Variants in PCDH17 observed in about 807,000 individuals in gnomAD.
The protein encoded by PCDH17 is protocadherin-17.
A neutral mutation model predicts 67.7 loss-of-function variants in PCDH17; 21 were observed. That is an observed-to-expected ratio of 0.31 (90% confidence interval 0.22 to 0.45). The LOEUF is 0.45. Among genes scored for constraint, PCDH17 ranks in the 20% least tolerant of loss-of-function variants. The pLI, the probability that PCDH17 is intolerant of heterozygous loss-of-function variation, is 1.00. For synonymous variants in PCDH17, 701 were observed against 656.7 expected (o/e 1.07, Z -1.03); for missense variants, 1,471 against 1,564.8 (o/e 0.94, Z 1.01).
intron 1 of PCDH17, among the ~76,000 whole-genome samples, chr13:57,642,979 T>TA (rs1313054676): frequency 6.6e-6 from 1 of 151,638 alleles, no homozygotes; most frequent in Non-Finnish European, 1.5e-5. Context: ...AACATTCTTT[T>TA]AAAAATCATA....
At chr13:57,635,370 T>A (rs1157267750) in intron 1 of PCDH17, among the ~76,000 whole-genome samples, 3 of 152,224 alleles carry the variant, frequency 2.0e-5, no homozygotes, top group African/African-American at 7.2e-5. Context: ...TTTAAAAATG[T>A]TAGCAGTGTT....
At chr13:57,712,624 G>C (rs188092062) in intron 3 of PCDH17, among the ~76,000 whole-genome samples, 1 of 151,138 alleles carries the variant, frequency 6.6e-6, no homozygotes, top group African/African-American at 2.4e-5. Flanking sequence ...TTGTTAAATG[G>C]CTCCTTGAAA....
chr13:57,725,476 A>T lies in PCDH17; in HGVS notation c.*182A>T. On this transcript the variant is annotated 3_prime_UTR_variant, in exon 4 of 4. Transcript: ENST00000377918. ...TCCACTGCTGATTTCTTTTTCAGAGATAACAATGGTTTCGTTTTGACCAAA... is the reference window on the plus strand; with the variant it reads ...TCCACTGCTGATTTCTTTTTCAGAGTTAACAATGGTTTCGTTTTGACCAAA... 1 of 550,292 alleles carries T rather than the reference A, an allele frequency of 1.8e-6. No individual in the cohort carries two copies. Among genetic ancestry groups the T allele is most frequent in the Non-Finnish European group, 3.2e-6 (1 of 316,950 alleles). The allele number at this position is 550,292 out of a possible 1,614,324, so 34.1% of individuals were successfully genotyped here.
chr13:57,711,157 G>T (rs978281999), intron 3 of PCDH17, among the ~76,000 whole-genome samples: 2 of 151,878 alleles, frequency 1.3e-5, no homozygotes, highest in Admixed American at 1.3e-4. Flanking sequence ...TTGGATTTTA[G>T]AATGTAAATT....
At chr13:57,655,840 A>G (rs1254979308) in intron 1 of PCDH17, among the ~76,000 whole-genome samples, 2 of 147,066 alleles carry the variant, frequency 1.4e-5, no homozygotes, top group African/African-American at 5.1e-5. Flanking sequence ...TAGTAGTTCT[A>G]GTTTTATTTA....
rs756495888 is a variant in PCDH17, at chr13:57,632,939, C to A, written c.393C>A (p.Ser131=). 5 of 1,613,900 alleles carry A rather than the reference C, an allele frequency of 3.1e-6. No homozygotes were observed. The African/African-American group carries it at 6.7e-5, about 22-fold the overall frequency. Residue 131 remains serine (S), a synonymous_variant, in exon 1 of 4, where the codon TCC becomes TCA. Transcript: ENST00000377918. ...AGGACATCAACGACAACGCGCCCTC[C>A]TTCTCCTCGGACCAGATCGAAATGG... ...EIQDINDNAP[S]FSSDQIEMDI... is the part of the protein sequence containing the mutation.
intron 1 of PCDH17, among the ~76,000 whole-genome samples, chr13:57,645,583 A>G (rs1310566137): frequency 6.6e-6 from 1 of 151,464 alleles, no homozygotes; most frequent in African/African-American, 2.4e-5. Context: ...GAAAATTTGT[A>G]TATAATTTTA....
rs1233749705 is a variant in PCDH17, at chr13:57,633,418, G to C, written c.872G>C (p.Arg291Pro). The stretch of plus-strand genomic sequence containing the variant: ...AGCAGCTACGTGCCTGACCGCGTGC[G>C]GGAGCTCTTCTCCATCGACCCCAAG... ...SFSSYVPDRV[R>P]ELFSIDPKTG... The change falls in exon 1 of 4, where the codon CGG (arginine) becomes CCG (proline). Residue 291 changes from arginine to proline, a missense_variant. Transcript: ENST00000377918. The surrounding 1 kb of genome is among the most constrained non-coding windows in gnomAD (Gnocchi z 6.2). The C allele has an allele frequency of 1.9e-6, 3 of 1,613,426 alleles. No homozygotes were observed. Among genetic ancestry groups the C allele is most frequent in the Admixed American group, 1.7e-5 (1 of 60,028 alleles).
In PCDH17 at chr13:57,634,595, G is replaced by A. The variant is rs972459527; in HGVS notation, c.2049G>A (p.Ser683=). Residue 683 remains serine, a synonymous_variant, in exon 1 of 4, where the codon TCG becomes TCA. Coordinates refer to ENST00000377918, the MANE Select transcript of PCDH17 (RefSeq NM_001040429.3). This position sits in a 1 kb window ranked among gnomAD's most constrained non-coding sequence, Gnocchi z 7.8. ...CAGTGGCCAAGCTCATCATCCGCTC[G>A]GTGAGCGGATCCCTTCCCGAGGGGG... The part of the protein sequence containing the change: ...LSAVAKLIIR[S]VSGSLPEGVP... 4 of 1,613,350 alleles carry A rather than the reference G, an allele frequency of 2.5e-6. No individual in the cohort carries two copies. In the South Asian group the frequency reaches 4.4e-5, roughly 18 times the overall value.
chr13:57,683,995 AG>A (rs141712393), intron 3 of PCDH17, among the ~76,000 whole-genome samples: 7,653 of 151,822 alleles, frequency 0.05, 253 homozygotes, highest in Middle Eastern at 0.095. Context: ...TTCTAAAGAG[AG>A]GGGTAATGTG....
chr13:57,636,219 G>A (rs1954820872), intron 1 of PCDH17, among the ~76,000 whole-genome samples: 1 of 151,966 alleles, frequency 6.6e-6, no homozygotes, highest in South Asian at 2.1e-4. Context: ...TATTATAATT[G>A]TATGTTGCAA....
intron 3 of PCDH17, among the ~76,000 whole-genome samples, chr13:57,691,006 A>T (rs1024734857): frequency 6.6e-6 from 1 of 151,488 alleles, no homozygotes; most frequent in Non-Finnish European, 1.5e-5. Context: ...CATTTGAGTT[A>T]AAAATTACAG....
At chr13:57,714,669 A>G (rs1300903407) in intron 3 of PCDH17, among the ~76,000 whole-genome samples, 1 of 151,766 alleles carries the variant, frequency 6.6e-6, no homozygotes, top group Admixed American at 6.6e-5. Flanking sequence ...ATGCCAGAGC[A>G]TAGGTTTCTC....
chr13:57,652,927 A>G (rs1955059330), intron 1 of PCDH17, among the ~76,000 whole-genome samples: 1 of 152,124 alleles, frequency 6.6e-6, no homozygotes, highest in African/African-American at 2.4e-5. Context: ...ATTGCAGGTC[A>G]CTTTGGAGGA....
chr13:57,720,479 T>C (rs1226193588), intron 3 of PCDH17, among the ~76,000 whole-genome samples: 3 of 151,994 alleles, frequency 2.0e-5, no homozygotes, highest in South Asian at 2.1e-4. Flanking sequence ...AAAATATTGT[T>C]ATTTTATTTA....
chr13:57,698,639 A>G (rs1955633918), intron 3 of PCDH17, among the ~76,000 whole-genome samples: 2 of 151,648 alleles, frequency 1.3e-5, no homozygotes, highest in African/African-American at 2.4e-5. Context: ...CGCAGAAATC[A>G]TTGAGTAATG....
intron 3 of PCDH17, among the ~76,000 whole-genome samples, chr13:57,701,004 A>G (rs9527684): frequency 0.35 from 53,437 of 151,936 alleles, 10,351 homozygotes; most frequent in Middle Eastern, 0.55. Flanking sequence ...CTCAGTAACA[A>G]TAATAATATA....
Position 57,726,690 on chromosome 13 carries a change from T to C in PCDH17, c.*1396T>C, listed in dbSNP as rs1955918772. On this transcript the variant is annotated 3_prime_UTR_variant, in exon 4 of 4. Transcript: ENST00000377918. Reference sequence around the variant, plus strand: ...CTTGTAGAAGCTTTTATTAAAGTCATGCTAAATCACAAGAATTGACATTTG... The same window carrying C: ...CTTGTAGAAGCTTTTATTAAAGTCACGCTAAATCACAAGAATTGACATTTG... 6.6e-6 allele frequency: 1 copy of C among 152,542 alleles called. No homozygotes were observed. The highest frequency in any genetic ancestry group is 1.5e-5 in the Non-Finnish European group (1 of 68,034). The allele number at this position is 152,542 out of a possible 1,614,324, so 9.4% of individuals were successfully genotyped here. A position where few individuals can be genotyped will look rare whatever the true frequency, so the allele number is the denominator to read the frequency against.
chr13:57,635,378 G>A (rs548934164), intron 1 of PCDH17, among the ~76,000 whole-genome samples: 2 of 152,142 alleles, frequency 1.3e-5, no homozygotes, highest in South Asian at 4.1e-4. Context: ...TGTTAGCAGT[G>A]TTCAATAATA....
Sources: gnomAD v4.1 joint callset for allele counts (sites outside exome capture counted in the v4.1 genomes callset) on GRCh38, gnomAD v4.1.1 for gene constraint, Gnocchi (gnomAD v3.1) non-coding constraint, MANE v1.5 for transcripts, NCBI Gene and HGNC (gene_info 2026-07-23, HGNC 2026-07-21) for gene names.